CSMD1: variants seen among roughly 807,000 people sequenced by gnomAD.
The protein encoded by CSMD1 is CUB and sushi domain-containing protein 1.
CSMD1 carries 213 observed loss-of-function variants against 417.5 expected under a neutral mutation model. The ratio of observed to expected loss-of-function variants is 0.51; its 90% CI spans 0.46 to 0.57. CSMD1 has a LOEUF of 0.57. Ranked by LOEUF, CSMD1 falls within the 20% of genes least tolerant of loss-of-function variation. The probability of loss-of-function intolerance (pLI) is 0.00; values close to 1 mark genes in which losing one functional copy is unlikely to be tolerated. For missense variants in CSMD1, 6,923 were observed against 4,529.7 expected (o/e 1.53, Z -15.17); for synonymous variants, 2,862 against 1,736.8 (o/e 1.65, Z -16.11).
chr8:4,087,574 G>A (rs945348541), intron 3 of CSMD1, among the ~76,000 whole-genome samples: 3 of 151,980 alleles, frequency 2.0e-5, no homozygotes, highest in Non-Finnish European at 4.4e-5. Flanking sequence ...TTATACACTT[G>A]ATTTCATTAT....
intron 1 of CSMD1, among the ~76,000 whole-genome samples, chr8:4,936,526 C>A (rs779310032): frequency 3.3e-5 from 5 of 152,140 alleles, no homozygotes; most frequent in Non-Finnish European, 7.3e-5. Context: ...ATGGATTGTA[C>A]CTTCGTGAAT....
intron 5 of CSMD1, among the ~76,000 whole-genome samples, chr8:3,983,135 C>CTTTTCTTTT (rs1554506677): frequency 8.2e-5 from 11 of 133,514 alleles, no homozygotes; most frequent in African/African-American, 3.2e-4. Context: ...ATCTTTCTTT[C>CTTTTCTTTT]TTTTTTTTTT....
intron 10 of CSMD1, among the ~76,000 whole-genome samples, chr8:3,522,948 T>C (rs1289321237): frequency 6.6e-6 from 1 of 150,758 alleles, no homozygotes; most frequent in Non-Finnish European, 1.5e-5. Context: ...TTGACAAATA[T>C]TTAAACCTGT....
At chr8:4,428,466 G>C (rs1797688732) in intron 2 of CSMD1, among the ~76,000 whole-genome samples, 3 of 152,036 alleles carry the variant, frequency 2.0e-5, no homozygotes, top group African/African-American at 4.8e-5. Context: ...TTAATTTCTG[G>C]AGTAAAAAGG....
intron 5 of CSMD1, among the ~76,000 whole-genome samples, chr8:3,875,400 T>C (rs896535600): frequency 1.3e-5 from 2 of 152,128 alleles, no homozygotes; most frequent in African/African-American, 4.8e-5. Flanking sequence ...ACATGGTCTA[T>C]GAAGTTATGG....
At chr8:3,874,870 G>T (rs1358776389) in intron 5 of CSMD1, among the ~76,000 whole-genome samples, 1 of 152,118 alleles carries the variant, frequency 6.6e-6, no homozygotes, top group Non-Finnish European at 1.5e-5. Flanking sequence ...ACGGCAAAGG[G>T]TGGTGAGATC....
intron 3 of CSMD1, among the ~76,000 whole-genome samples, chr8:4,218,602 A>T (rs1325873075): frequency 6.6e-6 from 1 of 152,150 alleles, no homozygotes; most frequent in African/African-American, 2.4e-5. Context: ...ACAGTTGCTT[A>T]ATTTCAATAA....
At chr8:3,959,161 T>C (rs376013512) in intron 5 of CSMD1, among the ~76,000 whole-genome samples, 3 of 152,200 alleles carry the variant, frequency 2.0e-5, no homozygotes, top group East Asian at 3.8e-4. Flanking sequence ...AATTTGAGTA[T>C]AAGAAGTTAC....
intron 30 of CSMD1, among the ~76,000 whole-genome samples, chr8:3,212,603 C>A (rs1027212367): frequency 2.0e-5 from 3 of 152,148 alleles, no homozygotes; most frequent in Non-Finnish European, 4.4e-5. Context: ...ATCCACTAGC[C>A]TTGGCCTCCC....
chr8:4,145,867 T>G (rs1435106306), intron 3 of CSMD1, among the ~76,000 whole-genome samples: 1 of 151,106 alleles, frequency 6.6e-6, no homozygotes, highest in African/African-American at 2.5e-5. Context: ...TTTGAATTTG[T>G]TGAGTTTTCA....
rs187268395 is a variant in CSMD1, at chr8:4,772,122, G to A, written c.86-134564C>T. Among the ~76,000 whole-genome samples, 11 of 152,222 alleles carry A rather than the reference G, an allele frequency of 7.2e-5. No homozygotes were observed. The East Asian group carries it at 1.7e-3, about 24-fold the overall frequency. ...GGAATAGGCTTCCAGGGTCATTTGG[G>A]TCCACCGAGAGCAGAAGTCAGTTCC... On this transcript the variant is annotated intron_variant, in intron 1 of 69. Coordinates refer to ENST00000635120, the MANE Select transcript of CSMD1 (RefSeq NM_033225.6).
intron 1 of CSMD1, among the ~76,000 whole-genome samples, chr8:4,705,924 C>T (rs185792003): frequency 4.6e-5 from 7 of 152,038 alleles, no homozygotes; most frequent in African/African-American, 7.2e-5. Flanking sequence ...ATTGTTGGTG[C>T]TGCTTATTTG....
chr8:3,465,454 T>C (rs144692596), intron 12 of CSMD1, among the ~76,000 whole-genome samples: 2,064 of 152,248 alleles, frequency 0.014, 48 homozygotes, highest in African/African-American at 0.048. Context: ...AAGGTCCTCC[T>C]GGTCCACGTG....
intron 50 of CSMD1, among the ~76,000 whole-genome samples, chr8:3,034,215 A>T (rs1484190): frequency 0.5 from 75,888 of 152,128 alleles, 19,449 homozygotes; most frequent in Non-Finnish European, 0.57. Context: ...GGAATGAAGA[A>T]AAAGATTTGA....
chr8:4,117,388 C>G (rs1212458152), intron 3 of CSMD1, among the ~76,000 whole-genome samples: 1 of 151,198 alleles, frequency 6.6e-6, no homozygotes, highest in Non-Finnish European at 1.5e-5. Context: ...GGCAAAGGAG[C>G]TCCCAAGCTG....
intron 10 of CSMD1, among the ~76,000 whole-genome samples, chr8:3,541,585 T>C (rs10091800): frequency 7.5e-6 from 1 of 133,708 alleles, no homozygotes; most frequent in Non-Finnish European, 1.6e-5. Context: ...AAAAATAAAA[T>C]AAAAATAAAA....
intron 10 of CSMD1, among the ~76,000 whole-genome samples, chr8:3,549,181 C>G (rs1457949664): frequency 1.3e-5 from 2 of 152,192 alleles, no homozygotes; most frequent in Non-Finnish European, 2.9e-5. Context: ...CGGTCCACAT[C>G]CAGTCTGTGC....
intron 12 of CSMD1, among the ~76,000 whole-genome samples, chr8:3,446,078 C>A (rs181900107): frequency 3.4e-4 from 52 of 152,056 alleles, no homozygotes; most frequent in African/African-American, 1.2e-3. Context: ...GGAAAGATAA[C>A]AGTAAAGTTG....
intron 7 of CSMD1, among the ~76,000 whole-genome samples, chr8:3,684,990 T>A (rs2129030390): frequency 6.6e-6 from 1 of 152,274 alleles, no homozygotes; most frequent in Non-Finnish European, 1.5e-5. Context: ...AATACGGGAA[T>A]CAATATTTTT....
Sources: gnomAD v4.1 joint callset for allele counts (sites outside exome capture counted in the v4.1 genomes callset) on GRCh38, gnomAD v4.1.1 for gene constraint, MANE v1.5 for transcripts, NCBI Gene and HGNC (gene_info 2026-07-23, HGNC 2026-07-21) for gene names.